HORMAD2: variants seen among roughly 807,000 people sequenced by gnomAD.
HORMAD2 encodes the protein HORMA domain-containing protein 2.
A neutral mutation model predicts 38.8 loss-of-function variants in HORMAD2; 45 were observed. The observed-to-expected ratio is 1.16, with a 90% CI of 0.91 to 1.49. HORMAD2 has a LOEUF of 1.49. Among genes scored for constraint, HORMAD2 ranks in the 40% most tolerant of loss-of-function variants. HORMAD2 has a pLI of 0.00. For synonymous variants in HORMAD2, 126 were observed against 122.8 expected (o/e 1.03, Z -0.17); for missense variants, 338 against 367.0 (o/e 0.92, Z 0.65).
upstream of HORMAD2, among the ~76,000 whole-genome samples, chr22:30,078,607 C>CAAAAAAAAAAAAAAAAA (rs55966787): frequency 6.8e-4 from 19 of 28,106 alleles, 1 homozygote; most frequent in African/African-American, 8.9e-4. Context: ...CTCTGTCTCA[C>CAAAAAAAAAAAAAAAAA]AAAAAAAAAA....
At chr22:30,117,292 T>A (rs904178189) in intron 7 of HORMAD2, among the ~76,000 whole-genome samples, 1 of 152,202 alleles carries the variant, frequency 6.6e-6, no homozygotes, top group Non-Finnish European at 1.5e-5. Flanking sequence ...CTGAACCAGA[T>A]GAATAAAGGA....
At chr22:30,154,360 A>G (rs1924937848) in intron 10 of HORMAD2, among the ~76,000 whole-genome samples, 1 of 152,234 alleles carries the variant, frequency 6.6e-6, no homozygotes, top group Non-Finnish European at 1.5e-5. Flanking sequence ...AAAACCTGCA[A>G]GTACACACAA....
At chr22:30,106,164 C>T (rs1921177182) in intron 5 of HORMAD2, among the ~76,000 whole-genome samples, 2 of 152,210 alleles carry the variant, frequency 1.3e-5, no homozygotes. Context: ...AAATGCACCA[C>T]CACACTCGGC....
chr22:30,118,683 T>A (rs1302006853), intron 7 of HORMAD2, among the ~76,000 whole-genome samples: 1 of 152,230 alleles, frequency 6.6e-6, no homozygotes, highest in Non-Finnish European at 1.5e-5. Context: ...TTCTCAACTG[T>A]TTCCACTGTT....
chr22:30,113,902 T>C (rs982820496), intron 7 of HORMAD2, among the ~76,000 whole-genome samples: 3 of 152,212 alleles, frequency 2.0e-5, no homozygotes, highest in Admixed American at 2.0e-4. Flanking sequence ...CTTTTATTTC[T>C]TTGTCTATTG....
intron 7 of HORMAD2, among the ~76,000 whole-genome samples, chr22:30,114,279 A>C (rs926714324): frequency 4.6e-5 from 7 of 152,202 alleles, no homozygotes; most frequent in Non-Finnish European, 7.3e-5. Context: ...CCTAACCTCT[A>C]CGTGTTCATG....
At chr22:30,110,523 T>C (rs546385136) in intron 5 of HORMAD2, among the ~76,000 whole-genome samples, 58 of 151,818 alleles carry the variant, frequency 3.8e-4, no homozygotes, top group Admixed American at 1.6e-3. Context: ...GTAGCTGGGA[T>C]TACAGGCACA....
intron 7 of HORMAD2, among the ~76,000 whole-genome samples, chr22:30,118,167 A>T (rs993923048): frequency 6.6e-6 from 1 of 152,138 alleles, no homozygotes; most frequent in Non-Finnish European, 1.5e-5. Context: ...CTTAGAATGA[A>T]ATCCAAACCC....
intron 1 of HORMAD2, among the ~76,000 whole-genome samples, chr22:30,090,924 A>T (rs1238610592): frequency 6.6e-6 from 1 of 152,180 alleles, no homozygotes; most frequent in Non-Finnish European, 1.5e-5. Context: ...AGTGCTATAG[A>T]ACAATATAAT....
At chr22:30,129,380 G>A (rs1256311083) in intron 10 of HORMAD2, among the ~76,000 whole-genome samples, 1 of 151,836 alleles carries the variant, frequency 6.6e-6, no homozygotes, top group Admixed American at 6.6e-5. Flanking sequence ...TAATAAAAAG[G>A]TAATACTAGA....
chr22:30,096,956 A>G (rs1443579436), intron 2 of HORMAD2, among the ~76,000 whole-genome samples: 1 of 152,182 alleles, frequency 6.6e-6, no homozygotes, highest in Non-Finnish European at 1.5e-5. Flanking sequence ...TGTAAGACCT[A>G]TGCTCTTAAT....
At chr22:30,098,243 A>G (rs1375886690) in intron 2 of HORMAD2, among the ~76,000 whole-genome samples, 1 of 152,228 alleles carries the variant, frequency 6.6e-6, no homozygotes, top group Non-Finnish European at 1.5e-5. Flanking sequence ...GAGATTATTC[A>G]AGAAGACAGC....
chr22:30,078,682 C>G (rs1321878649), upstream of HORMAD2, among the ~76,000 whole-genome samples: 9 of 128,326 alleles, frequency 7.0e-5, no homozygotes, highest in African/African-American at 3.0e-5. Flanking sequence ...TAACGAATAA[C>G]TGTGTTTGCT....
chr22:30,107,186 ACTT>A (rs890692179), intron 5 of HORMAD2, among the ~76,000 whole-genome samples: 2 of 152,232 alleles, frequency 1.3e-5, no homozygotes, highest in Non-Finnish European at 2.9e-5. Context: ...TAATAGGGTC[ACTT>A]CTTAAATAAA....
rs147048154 is a variant in HORMAD2 at position 30,116,210 on chromosome 22, G to A, written c.343-2770G>A. On this transcript the variant is annotated intron_variant, in intron 7 of 10. Transcript: ENST00000336726. ...AAAGGTGCCATGAGCCTGGAGCTTA[G>A]CTGAGTGCAAGGGAAAGTGGCCAGA... is the stretch of plus-strand genomic sequence containing the variant. Among the ~76,000 whole-genome samples the A allele has an allele frequency of 6.3e-3, 962 of 152,284 alleles. 6 individuals carry two copies. The highest frequency in any genetic ancestry group is 8.5e-3 in the Non-Finnish European group (577 of 68,020).
At chr22:30,124,290 C>CACACAT (rs1248918561) in intron 10 of HORMAD2, among the ~76,000 whole-genome samples, 1 of 143,708 alleles carries the variant, frequency 7.0e-6, no homozygotes, top group South Asian at 2.3e-4. Context: ...CACACACACA[C>CACACAT]ACATACATAC....
chr22:30,146,026 T>C (rs1163690139), intron 10 of HORMAD2, among the ~76,000 whole-genome samples: 2 of 152,192 alleles, frequency 1.3e-5, no homozygotes, highest in Non-Finnish European at 2.9e-5. Flanking sequence ...GAAAGGATAA[T>C]GTGTCATGAC....
At position 30,122,032 on chromosome 22, in the gene HORMAD2, AAGG is replaced by A. The variant is rs746417049; in HGVS notation, c.640_642del (p.Glu214del). 6.5e-5 allele frequency: 105 copies of A among 1,613,374 alleles called. 1 individual carries two copies. In the East Asian group the frequency reaches 2.3e-3, roughly 36 times the overall value. On this transcript the variant is annotated inframe_deletion, in exon 10 of 11. Transcript: ENST00000336726. ...AAATTCACACTTCCTGCTGTTTGACAAGGAGCCTATCAACGTGCAAGTGGGATT... is the reference window on the plus strand; with the variant it reads ...AAATTCACACTTCCTGCTGTTTGACAAGCCTATCAACGTGCAAGTGGGATT...
At chr22:30,187,724 T>C in the HORMAD2 span, among the ~76,000 whole-genome samples, 5 of 152,140 alleles carry the variant, frequency 3.3e-5, no homozygotes, top group Non-Finnish European at 7.4e-5. Context: ...GATGCATTTT[T>C]TCCCCAAGCC....
Sources: gnomAD v4.1 joint callset for allele counts (sites outside exome capture counted in the v4.1 genomes callset) on GRCh38, gnomAD v4.1.1 for gene constraint, MANE v1.5 for transcripts, NCBI Gene and HGNC (gene_info 2026-07-23, HGNC 2026-07-21) for gene names.